Variants in INSYN2A observed in about 807,000 individuals in gnomAD.
INSYN2A encodes family with sequence similarity 196 member A.
INSYN2A carries 17 observed loss-of-function variants against 39.4 expected under a neutral mutation model. The ratio of observed to expected loss-of-function variants is 0.43; its 90% CI spans 0.30 to 0.65. The LOEUF is 0.65. INSYN2A is among the 30% of genes least tolerant of loss of function. The pLI is 0.14. For missense variants in INSYN2A, 595 were observed against 631.2 expected (o/e 0.94, Z 0.61); for synonymous variants, 255 against 265.7 (o/e 0.96, Z 0.39).
chr10:127,191,216 A>G (rs1026522935), intron 2 of INSYN2A, among the ~76,000 whole-genome samples: 1 of 152,024 alleles, frequency 6.6e-6, no homozygotes, highest in Non-Finnish European at 1.5e-5. Flanking sequence ...GTAATCTCCT[A>G]TCCTGATTCT....
intron 2 of INSYN2A, among the ~76,000 whole-genome samples, chr10:127,184,491 T>G (rs1589826900): frequency 1.3e-5 from 1 of 76,416 alleles, no homozygotes. Context: ...CCCACCCCCG[T>G]CCCCCATCCT....
chr10:127,189,957 G>A (rs1589854905), intron 2 of INSYN2A, among the ~76,000 whole-genome samples: 1 of 152,334 alleles, frequency 6.6e-6, no homozygotes, highest in East Asian at 1.9e-4. Context: ...CTGAGAGACA[G>A]ACATCTCCTT....
intron 4 of INSYN2A, among the ~76,000 whole-genome samples, chr10:127,173,264 A>T (rs2054751142): frequency 6.6e-6 from 1 of 152,164 alleles, no homozygotes; most frequent in Non-Finnish European, 1.5e-5. Context: ...ACAGACAGTG[A>T]TCTCAACTTA....
chr10:127,196,528 G>A lies in INSYN2A; in HGVS notation c.-926C>T, dbSNP rs892854472. On this transcript the variant is annotated 5_prime_UTR_variant, in exon 1 of 6. Coordinates refer to ENST00000522781, the MANE Select transcript of INSYN2A (RefSeq NM_001039762.3). ...CGCGGAGCCGGGCGGCCAGAGGCGAGGGCGCCCCAAGCCGCGCGCCTGCCG... is the reference window on the plus strand; with the variant it reads ...CGCGGAGCCGGGCGGCCAGAGGCGAAGGCGCCCCAAGCCGCGCGCCTGCCG... Among the ~76,000 whole-genome samples, 24 of 147,992 alleles carry A rather than the reference G, an allele frequency of 1.6e-4. No individual in the cohort carries two copies. The highest frequency in any genetic ancestry group is 3.6e-4 in the Non-Finnish European group (24 of 66,584).
At chr10:127,184,759 T>TC (rs1422891508) in intron 2 of INSYN2A, among the ~76,000 whole-genome samples, 1 of 152,182 alleles carries the variant, frequency 6.6e-6, no homozygotes, top group Non-Finnish European at 1.5e-5. Flanking sequence ...TTCCACTGGT[T>TC]CATTTTCCAG....
chr10:127,178,139 C>T (rs1700795049), intron 2 of INSYN2A, among the ~76,000 whole-genome samples: 2 of 152,200 alleles, frequency 1.3e-5, no homozygotes, highest in Admixed American at 1.3e-4. Flanking sequence ...AGTGACATGA[C>T]TAGCCCTCTA....
intron 2 of INSYN2A, among the ~76,000 whole-genome samples, chr10:127,178,250 A>G (rs2055366020): frequency 6.6e-6 from 1 of 152,250 alleles, no homozygotes; most frequent in South Asian, 2.1e-4. Flanking sequence ...AATTCTTCAT[A>G]CATTATGCTA....
intron 2 of INSYN2A, among the ~76,000 whole-genome samples, chr10:127,181,324 T>C (rs186481333): frequency 6.6e-6 from 1 of 152,318 alleles, no homozygotes; most frequent in Admixed American, 6.5e-5. Context: ...GACTCAATAG[T>C]CTGAAGGCAA....
chr10:127,143,417 T>G (rs968002740), intron 5 of INSYN2A, among the ~76,000 whole-genome samples: 5 of 152,184 alleles, frequency 3.3e-5, no homozygotes, highest in Non-Finnish European at 5.9e-5. Context: ...TGACTCAGGC[T>G]CTACCACTGT....
rs538792856 is a variant in INSYN2A, at chr10:127,176,236, C to T, written c.160G>A (p.Glu54Lys). 1.2e-5 allele frequency: 20 copies of T among 1,613,980 alleles called. No individual in the cohort carries two copies. The highest frequency in any genetic ancestry group is 1.0e-4 in the Admixed American group (6 of 60,000). The change falls in exon 4 of 6, where the codon GAG (glutamate) becomes AAG (lysine). Residue 54 changes from glutamate to lysine, a missense_variant. Around this residue, in one of 2 missense-constraint regions of INSYN2A, gnomAD observed 478 missense variants for 467.4 expected, o/e 1.02. Transcript: ENST00000522781. The surrounding 1 kb of genome is among the most constrained non-coding windows in gnomAD (Gnocchi z 4.4). Reference sequence around the variant, plus strand: ...GTGTCCCTCTGCTCATTCTGTGCCTCGCAGATATCCTTAAACCGCACCTGC... The same window carrying T: ...GTGTCCCTCTGCTCATTCTGTGCCTTGCAGATATCCTTAAACCGCACCTGC... ...ALQVRFKDIC[E>K]AQNEQRDTQL...
chr10:127,139,609 G>A (rs2051028025), intron 5 of INSYN2A, among the ~76,000 whole-genome samples: 1 of 152,176 alleles, frequency 6.6e-6, no homozygotes, highest in Non-Finnish European at 1.5e-5. Context: ...GCAGTCTAAG[G>A]CTGTGCTGCA....
chr10:127,158,282 C>A (rs551138605), intron 4 of INSYN2A, among the ~76,000 whole-genome samples: 35 of 152,250 alleles, frequency 2.3e-4, no homozygotes, highest in African/African-American at 8.2e-4. Flanking sequence ...GGAAGAACAA[C>A]CTAAAAACTT....
At chr10:127,170,856 C>T (rs1190545837) in intron 4 of INSYN2A, among the ~76,000 whole-genome samples, 1 of 152,158 alleles carries the variant, frequency 6.6e-6, no homozygotes. Flanking sequence ...CTGAAATAAG[C>T]AGGATAATTC....
chr10:127,149,856 A>G (rs1325867381), intron 5 of INSYN2A, among the ~76,000 whole-genome samples: 2 of 152,180 alleles, frequency 1.3e-5, no homozygotes, highest in Non-Finnish European at 2.9e-5. Context: ...CCCATGGTGC[A>G]TATGGAGAAG....
intron 4 of INSYN2A, among the ~76,000 whole-genome samples, chr10:127,155,266 C>A (rs184098941): frequency 7.2e-5 from 11 of 152,172 alleles, no homozygotes; most frequent in African/African-American, 2.6e-4. Flanking sequence ...TCTGTTACAT[C>A]AACATTTGAC....
intron 5 of INSYN2A, among the ~76,000 whole-genome samples, chr10:127,148,974 A>G (rs2052196670): frequency 1.3e-5 from 2 of 152,188 alleles, no homozygotes; most frequent in Non-Finnish European, 1.5e-5. Context: ...CACGTTTGGT[A>G]CTTGGGGTTT....
intron 4 of INSYN2A, among the ~76,000 whole-genome samples, chr10:127,161,155 T>C (rs1234738968): frequency 6.6e-6 from 1 of 152,230 alleles, no homozygotes; most frequent in Non-Finnish European, 1.5e-5. Flanking sequence ...GTACTTATTT[T>C]AGATGTCAGC....
intron 2 of INSYN2A, among the ~76,000 whole-genome samples, chr10:127,186,620 C>A (rs566353651): frequency 2.0e-5 from 3 of 149,838 alleles, no homozygotes; most frequent in African/African-American, 7.4e-5. Flanking sequence ...AGAGCCAAAC[C>A]GTATCAGAGG....
chr10:127,155,915 G>A (rs1159825656), intron 4 of INSYN2A, among the ~76,000 whole-genome samples: 1 of 152,184 alleles, frequency 6.6e-6, no homozygotes, highest in Non-Finnish European at 1.5e-5. Context: ...GTTGGCTTGG[G>A]TGGCAGATGA....
Sources: allele counts gnomAD v4.1 joint callset (sites outside exome capture counted in the v4.1 genomes callset), GRCh38; gene constraint gnomAD v4.1.1; regional missense constraint gnomAD v4.1.1; non-coding constraint Gnocchi (gnomAD v3.1); transcripts MANE v1.5; gene names NCBI Gene and HGNC (gene_info 2026-07-23, HGNC 2026-07-21).